The following CCDC198 variants were observed in gnomAD, a reference collection of about 807,000 sequenced individuals.
CCDC198 encodes factor associated with metabolism and energy.
Under a neutral mutation model 35.6 loss-of-function variants are expected in CCDC198, and 18 were observed. The ratio of observed to expected loss-of-function variants is 0.51; its 90% confidence interval spans 0.35 to 0.75. The LOEUF (loss-of-function observed/expected upper bound fraction) is 0.75. Among genes scored for constraint, CCDC198 ranks in the 30% least tolerant of loss-of-function variants. CCDC198 has a pLI of 0.01. For missense variants in CCDC198, 365 were observed against 343.7 expected (o/e 1.06, Z -0.49); for synonymous variants, 119 against 113.4 (o/e 1.05, Z -0.31).
At chr14:57,488,237 G>A (rs530846065) in intron 2 of CCDC198, among the ~76,000 whole-genome samples, 51 of 152,274 alleles carry the variant, frequency 3.3e-4, no homozygotes, top group African/African-American at 1.1e-3. Flanking sequence ...GATTGAGAGA[G>A]CTCTGCATTT....
chr14:57,475,504 C>T (rs186540996), intron 5 of CCDC198: 104 of 1,080,170 alleles, frequency 9.6e-5, no homozygotes, highest in East Asian at 9.4e-4. Context: ...GTCAGGAGTT[C>T]GAGACCAGCT....
At position 57,475,110 on chromosome 14, in the gene CCDC198, A is replaced by C. The variant is rs937991563; in HGVS notation, c.656-3520T>G. Among the ~76,000 whole-genome samples the C allele has an allele frequency of 4.6e-5, 7 of 151,886 alleles. 1 individual carries two copies. The highest frequency in any genetic ancestry group is 1.7e-4 in the African/African-American group (7 of 41,438). On this transcript the variant is annotated intron_variant, in intron 5 of 5. Transcript: ENST00000216445. ...CCCCGTCTCTACTAAAAATACAAAA[A>C]ATTAGCCGGGCATGGTGGCGGGCGC...
At position 57,471,267 on chromosome 14, in the gene CCDC198, T is replaced by C; in HGVS notation, c.*88A>G. On this transcript the variant is annotated 3_prime_UTR_variant, in exon 6 of 6. Transcript: ENST00000216445. ...TTTTTACCAAAGTGATTTGCTGTCC[T>C]CAAAGTAATTCATATATCAGTTTGG... 1 of 932,974 alleles carries C rather than the reference T, an allele frequency of 1.1e-6. No homozygotes were observed. Among genetic ancestry groups the C allele is most frequent in the Admixed American group, 2.6e-5 (1 of 37,846 alleles). 57.8% of individuals were successfully genotyped at this position (932,974 alleles called of 1,614,324 possible). A position where few individuals can be genotyped will look rare whatever the true frequency, so the allele number is the denominator to read the frequency against.
At chr14:57,478,772 A>G (rs2067085748) in intron 5 of CCDC198, 9 of 1,098,944 alleles carry the variant, frequency 8.2e-6, no homozygotes, top group Non-Finnish European at 9.0e-6. Flanking sequence ...TAGATGCCCC[A>G]AGTAGATTTT....
At chr14:57,479,054 A>G (rs947734234) in intron 5 of CCDC198, 8 of 1,277,710 alleles carry the variant, frequency 6.3e-6, no homozygotes, top group East Asian at 5.6e-5. Flanking sequence ...GGAAAACTTA[A>G]TGGGGCTCTA....
chr14:57,469,462 C>T lies in CCDC198; in HGVS notation c.*1893G>A, dbSNP rs926918332. 2.0e-5 allele frequency: 3 copies of T among 152,184 alleles called. No individual in the cohort carries two copies. Among genetic ancestry groups the T allele is most frequent in the Non-Finnish European group, 4.4e-5 (3 of 68,028 alleles). The allele number at this position is 152,184 out of a possible 1,614,324, so 9.4% of individuals were successfully genotyped here. A position where few individuals can be genotyped will look rare whatever the true frequency, so the allele number is the denominator to read the frequency against. On this transcript the variant is annotated 3_prime_UTR_variant, in exon 6 of 6. Transcript: ENST00000216445. Reference sequence around the variant, plus strand: ...TGAAATTGAATTTTAAGTCACATAACAGAATGGTGAAGACGTGCCTTTGGC... The same window carrying T: ...TGAAATTGAATTTTAAGTCACATAATAGAATGGTGAAGACGTGCCTTTGGC...
rs766623603 is a variant in CCDC198, at chr14:57,480,578, A to T, written c.655+17T>A. 6.2e-7 allele frequency: 1 copy of T among 1,608,034 alleles called. No individual in the cohort carries two copies. Among genetic ancestry groups the T allele is most frequent in the South Asian group, 1.1e-5 (1 of 89,488 alleles). On this transcript the variant is annotated intron_variant, in intron 5 of 5. Transcript: ENST00000216445. ...AAACACTTGAAATGTTTTACTAAAA[A>T]ATTGTACATGACTCACCGGGACCTC...
intron 3 of CCDC198, among the ~76,000 whole-genome samples, chr14:57,482,527 C>CTCTATCTTTCTTTCTACCTCTA (rs1244720052): frequency 3.9e-5 from 6 of 152,164 alleles, no homozygotes; most frequent in African/African-American, 1.4e-4. Context: ...CTGCTTCTAC[C>CTCTATCTTTCTTTCTACCTCTA]TCTAAGCTTT....
chr14:57,493,820 C>T lies in CCDC198; in HGVS notation c.-105G>A. ...ATTTCAGAAGTTTACCCTCGCTTTA[C>T]AAAGCAGTCATTTCCTTCATGGCAT... On this transcript the variant is annotated 5_prime_UTR_variant, in exon 1 of 6. Transcript: ENST00000216445. 1.4e-5 allele frequency: 12 copies of T among 850,892 alleles called. No individual in the cohort carries two copies. In the South Asian group the frequency reaches 2.1e-4, roughly 15 times the overall value. 52.7% of individuals were successfully genotyped at this position (850,892 alleles called of 1,614,324 possible).
chr14:57,482,430 C>G (rs186417993), intron 3 of CCDC198, among the ~76,000 whole-genome samples: 17 of 152,288 alleles, frequency 1.1e-4, no homozygotes, highest in African/African-American at 4.1e-4. Flanking sequence ...GATGTGACAG[C>G]ACCTGGACAT....
At chr14:57,475,785 CTTCTTTTT>C in intron 5 of CCDC198, 8 of 165,710 alleles carry the variant, frequency 4.8e-5, no homozygotes, top group South Asian at 1.3e-4. Flanking sequence ...CGGCACTTAG[CTTCTTTTT>C]TTTTTTTTTT....
Position 57,493,708 on chromosome 14 carries a change from A to G in CCDC198, c.8T>C (p.Leu3Pro), listed in dbSNP as rs529772268. The G allele has an allele frequency of 3.1e-5, 50 of 1,612,920 alleles. No individual in the cohort carries two copies. The South Asian group carries it at 4.3e-4, about 14-fold the overall frequency. ...CCTAAGGTGAGTCTTAGAGTGACTC[A>G]GGCCCATTTCATGTGAAAGACATTC... MG[L>P]SHSKTHLRVI... is the part of the protein sequence containing the mutation. The change falls in exon 1 of 6, where the codon CTG becomes CCG. Residue 3 changes from leucine to proline, a missense_variant. Coordinates refer to ENST00000216445, the MANE Select transcript of CCDC198 (RefSeq NM_018168.4).
chr14:57,491,544 G>A lies in CCDC198; in HGVS notation c.224-473C>T, dbSNP rs1189569347. Among the ~76,000 whole-genome samples, 4 of 152,126 alleles carry A rather than the reference G, an allele frequency of 2.6e-5. No homozygotes were observed. In the East Asian group the frequency reaches 7.7e-4, roughly 29 times the overall value. On this transcript the variant is annotated intron_variant, in intron 1 of 5. Coordinates refer to ENST00000216445, the MANE Select transcript of CCDC198 (RefSeq NM_018168.4). ...GATTATACAGAGATGAGAAAGAAAT[G>A]GAGTACGTGTGAACACAATTCAATA...
intron 5 of CCDC198, chr14:57,480,332 C>G: frequency 1.0e-6 from 1 of 972,160 alleles, no homozygotes; most frequent in African/African-American, 1.8e-5. Flanking sequence ...AGGGATGAGG[C>G]AAGACTTGCA....
intron 1 of CCDC198, among the ~76,000 whole-genome samples, chr14:57,491,834 A>T (rs892093119): frequency 6.6e-6 from 1 of 152,094 alleles, no homozygotes; most frequent in African/African-American, 2.4e-5. Context: ...TGTTTCATAG[A>T]CTATTTTACA....
intron 2 of CCDC198, among the ~76,000 whole-genome samples, chr14:57,487,962 G>C (rs1269466178): frequency 6.6e-6 from 1 of 152,134 alleles, no homozygotes; most frequent in African/African-American, 2.4e-5. Context: ...GTCTACAGGG[G>C]AGATGACTCT....
chr14:57,473,977 C>T (rs1299604072), intron 5 of CCDC198, among the ~76,000 whole-genome samples: 3 of 152,162 alleles, frequency 2.0e-5, no homozygotes, highest in Admixed American at 1.3e-4. Flanking sequence ...CCATGGTCCT[C>T]ACACCTACAT....
At chr14:57,485,378 A>G (rs2067326664) in intron 2 of CCDC198, among the ~76,000 whole-genome samples, 1 of 152,166 alleles carries the variant, frequency 6.6e-6, no homozygotes, top group Non-Finnish European at 1.5e-5. Context: ...AAGAAGTAGG[A>G]GGAAAACCAT....
chr14:57,483,270 T>C (rs1194778695), intron 2 of CCDC198, 119 bp from the exon 3 acceptor site: 1 of 1,457,042 alleles, frequency 6.9e-7, no homozygotes, highest in Non-Finnish European at 9.4e-7. Flanking sequence ...TCTGAGAGCA[T>C]ACAGGAAAGG....
Sources: allele counts gnomAD v4.1 joint callset (sites outside exome capture counted in the v4.1 genomes callset), GRCh38; gene constraint gnomAD v4.1.1; transcripts MANE v1.5; gene names NCBI Gene and HGNC (gene_info 2026-07-23, HGNC 2026-07-21).